Variants in TRAF2 observed in about 807,000 individuals in gnomAD.
TRAF2 encodes TNF receptor-associated factor 2.
In TRAF2, 6 loss-of-function variants were observed where a neutral mutation model predicts 55.6. The observed-to-expected ratio is 0.11, with a 90% confidence interval of 0.06 to 0.21. TRAF2 has a LOEUF of 0.21. Ranked by LOEUF, TRAF2 falls within the 10% of genes least tolerant of loss-of-function variation. The probability of loss-of-function intolerance (pLI) is 1.00; values close to 1 mark genes in which losing one functional copy is unlikely to be tolerated. For synonymous variants in TRAF2, 329 were observed against 276.3 expected (o/e 1.19, Z -1.89); for missense variants, 561 against 684.5 (o/e 0.82, Z 2.01).
chr9:136,917,086 C>G (rs1218290028), intron 7 of TRAF2, among the ~76,000 whole-genome samples: 3 of 152,182 alleles, frequency 2.0e-5, no homozygotes, highest in Non-Finnish European at 4.4e-5. Flanking sequence ...TGACAGAGGT[C>G]TCGTCTACCC....
rs55666712 is a variant in TRAF2 at position 136,923,610 on chromosome 9, C to CAAAA, written c.1139-220_1139-217dup. Among the ~76,000 whole-genome samples the CAAAA allele has an allele frequency of 3.7e-4, 25 of 67,720 alleles. 1 individual carries two copies. The highest frequency in any genetic ancestry group is 1.6e-3 in the East Asian group (3 of 1,932). 44.4% of individuals were successfully genotyped at this position (67,720 alleles called of 152,430 possible). The stretch of plus-strand genomic sequence containing the variant: ...GGGCAACAAGAGTGAGACTCCATCT[C>CAAAA]AAAAAAAAAAAAAAAAAAAAAAAAA... On this transcript the variant is annotated intron_variant, in intron 9 of 10. Coordinates refer to ENST00000247668, the MANE Select transcript of TRAF2 (RefSeq NM_021138.4).
chr9:136,916,378 C>T (rs891822350), intron 6 of TRAF2, among the ~76,000 whole-genome samples, 163 bp from the exon 7 acceptor site: 3 of 151,930 alleles, frequency 2.0e-5, no homozygotes, highest in Admixed American at 6.6e-5. Context: ...GGTGTGTGAG[C>T]GTGTCGCTTT....
intron 6 of TRAF2, among the ~76,000 whole-genome samples, chr9:136,912,184 A>G: frequency 2.5e-5 from 2 of 81,492 alleles, no homozygotes; most frequent in African/African-American, 5.1e-5. Flanking sequence ...TTTTTTGGAG[A>G]CAGAGTCTCA....
At chr9:136,909,065 TA>T (rs1310512520) in intron 5 of TRAF2, among the ~76,000 whole-genome samples, 1 of 151,796 alleles carries the variant, frequency 6.6e-6, no homozygotes, top group Non-Finnish European at 1.5e-5. Context: ...AAAAAATTTT[TA>T]AAAAAAGTTT....
At chr9:136,909,015 G>T (rs1308456648) in intron 5 of TRAF2, among the ~76,000 whole-genome samples, 2 of 148,614 alleles carry the variant, frequency 1.3e-5, no homozygotes, top group Admixed American at 1.4e-4. Context: ...ACTAGCCTGG[G>T]CAACAGAGGA....
chr9:136,909,824 C>T (rs1172821902), intron 5 of TRAF2, 96 bp from the exon 6 acceptor site: 4 of 1,297,514 alleles, frequency 3.1e-6, no homozygotes, highest in Non-Finnish European at 4.4e-6. Flanking sequence ...GCTCCTGCGG[C>T]CCCTCGGCGC....
intron 6 of TRAF2, 128 bp from the exon 7 acceptor site, chr9:136,916,413 C>A: frequency 1.2e-6 from 1 of 854,032 alleles, no homozygotes; most frequent in Non-Finnish European, 2.0e-6. Context: ...GGGTTTCATT[C>A]AGTGTGAGAG....
At chr9:136,920,632 C>T in intron 8 of TRAF2, 117 bp downstream of exon 8, 2 of 1,323,248 alleles carry the variant, frequency 1.5e-6, no homozygotes, top group Non-Finnish European at 2.0e-6. Context: ...TGTAGAACTC[C>T]ATCTGCAAAC....
upstream of TRAF2, chr9:136,886,302 G>C (rs1467438028): frequency 1.3e-6 from 1 of 764,032 alleles, no homozygotes; most frequent in Non-Finnish European, 1.6e-6. Flanking sequence ...TCTCAGCGCC[G>C]ACCAATCGGC....
At chr9:136,899,369 G>C (rs1432216008) in intron 2 of TRAF2, among the ~76,000 whole-genome samples, 1 of 152,188 alleles carries the variant, frequency 6.6e-6, no homozygotes, top group Admixed American at 6.5e-5. Context: ...AGATGTCCTT[G>C]GCGGTTCAGG....
chr9:136,888,178 TAC>T (rs1262650532), intron 1 of TRAF2, among the ~76,000 whole-genome samples: 3 of 152,172 alleles, frequency 2.0e-5, no homozygotes, highest in African/African-American at 4.8e-5. Flanking sequence ...GCCATGAAAT[TAC>T]AGTTTTAAAG....
intron 6 of TRAF2, among the ~76,000 whole-genome samples, chr9:136,914,670 G>T (rs935240823): frequency 6.6e-6 from 1 of 152,300 alleles, no homozygotes; most frequent in East Asian, 1.9e-4. Context: ...TGTTGACATT[G>T]CTATACATAA....
At chr9:136,908,505 G>A (rs1013484289) in intron 5 of TRAF2, among the ~76,000 whole-genome samples, 15 of 152,062 alleles carry the variant, frequency 9.9e-5, no homozygotes, top group Non-Finnish European at 1.3e-4. Flanking sequence ...GGCGGATCAC[G>A]AGGTCCGGAG....
intron 6 of TRAF2, among the ~76,000 whole-genome samples, chr9:136,913,886 T>G (rs528333550): frequency 1.3e-5 from 2 of 152,130 alleles, no homozygotes; most frequent in Non-Finnish European, 2.9e-5. Flanking sequence ...TCCTCACCAC[T>G]GCCTGGGACA....
At chr9:136,897,235 T>C (rs1409092882) in intron 1 of TRAF2, among the ~76,000 whole-genome samples, 1 of 152,174 alleles carries the variant, frequency 6.6e-6, no homozygotes, top group Non-Finnish European at 1.5e-5. Context: ...GGCTGGATGA[T>C]GCTCAGAGAA....
chr9:136,911,842 A>ATC (rs1850114700), intron 6 of TRAF2, among the ~76,000 whole-genome samples: 3 of 55,130 alleles, frequency 5.4e-5, no homozygotes, highest in African/African-American at 9.0e-5. Context: ...ATTTTCTCTT[A>ATC]TCTCTTTTTT....
chr9:136,910,722 C>T (rs542407615), intron 6 of TRAF2, among the ~76,000 whole-genome samples: 5 of 152,212 alleles, frequency 3.3e-5, no homozygotes, highest in Non-Finnish European at 7.4e-5. Flanking sequence ...GGCCTGCCCG[C>T]GGGCTCAGCC....
intron 6 of TRAF2, among the ~76,000 whole-genome samples, chr9:136,915,802 G>T (rs1172183821): frequency 6.6e-6 from 1 of 152,170 alleles, no homozygotes; most frequent in Non-Finnish European, 1.5e-5. Flanking sequence ...GTTTTTGTTT[G>T]TTTTGGGGGA....
intron 6 of TRAF2, among the ~76,000 whole-genome samples, chr9:136,915,036 G>C (rs145001976): frequency 3.3e-5 from 5 of 152,036 alleles, no homozygotes; most frequent in Non-Finnish European, 5.9e-5. Context: ...AAAATTAGCC[G>C]GGTGTGGTAG....
Sources: gnomAD v4.1 joint callset for allele counts (sites outside exome capture counted in the v4.1 genomes callset) on GRCh38, gnomAD v4.1.1 for gene constraint, MANE v1.5 for transcripts, NCBI Gene and HGNC (gene_info 2026-07-23, HGNC 2026-07-21) for gene names.